Variants in CDK12 observed in about 807,000 individuals in gnomAD.
CDK12 encodes the protein cyclin-dependent kinase 12.
Under a neutral mutation model 133.8 loss-of-function variants are expected in CDK12, and 17 were observed. The ratio of observed to expected loss-of-function variants is 0.13; its 90% CI spans 0.09 to 0.19. CDK12 has a LOEUF of 0.19. Ranked by LOEUF, CDK12 falls within the 10% of genes least tolerant of loss-of-function variation. The pLI, the probability that CDK12 is intolerant of heterozygous loss-of-function variation, is 1.00. For synonymous variants in CDK12, 694 were observed against 683.6 expected (o/e 1.02, Z -0.24); for missense variants, 1,508 against 1,818.7 (o/e 0.83, Z 3.11).
At chr17:39,543,271 A>T (rs2055517623), upstream of CDK12, among the ~76,000 whole-genome samples, 1 of 152,224 alleles carries the variant, frequency 6.6e-6, no homozygotes, top group African/African-American at 2.4e-5. Flanking sequence ...GGAAGGTGGT[A>T]TGTGGTGATC....
upstream of CDK12, chr17:39,548,896 C>A (rs1408062227): frequency 6.6e-6 from 1 of 152,482 alleles, no homozygotes; most frequent in Non-Finnish European, 1.5e-5. Context: ...TCCTTCCTAC[C>A]CCCATGCCTG....
intron 1 of CDK12, among the ~76,000 whole-genome samples, chr17:39,466,736 C>T (rs188598393): frequency 9.2e-4 from 134 of 145,418 alleles, no homozygotes; most frequent in African/African-American, 3.2e-3. Context: ...AATATGGTAG[C>T]GTAGCATGCA....
intron 5 of CDK12, among the ~76,000 whole-genome samples, chr17:39,500,091 T>C (rs555574619): frequency 6.6e-6 from 1 of 152,202 alleles, no homozygotes; most frequent in South Asian, 2.1e-4. Context: ...CATTTTGGGA[T>C]GTTGGGGTGG....
intron 5 of CDK12, among the ~76,000 whole-genome samples, chr17:39,498,721 G>T (rs2052337637): frequency 6.6e-6 from 1 of 151,732 alleles, no homozygotes; most frequent in Admixed American, 6.6e-5. Context: ...TGTGGAGATG[G>T]TGTCTCACTA....
rs747026939 is a variant in CDK12, at chr17:39,490,674, A to G, written c.2049A>G (p.Pro683=). 1 of 1,613,688 alleles carries G rather than the reference A, an allele frequency of 6.2e-7. No homozygotes were observed. The highest frequency in any genetic ancestry group is 1.1e-5 in the South Asian group (1 of 91,064). ...TCCCTGGTGGAGATCTGTCTCCCCC[A>G]GACTCTCCAGAACCAAAGGCAATCA... The part of the protein sequence containing the change: ...PELPGGDLSP[P]DSPEPKAITP... Residue 683 remains proline, a synonymous_variant, in exon 3 of 14, where the codon CCA becomes CCG. Transcript: ENST00000447079.
At position 39,534,541 on chromosome 17, in the gene CDK12, T is replaced by A; in HGVS notation, c.*3225T>A. The stretch of plus-strand genomic sequence containing the variant: ...TGGAAAATTAAATATTTCCTGTTAC[T>A]ATACCACTTTTGCTCCATTGCATTT... On this transcript the variant is annotated 3_prime_UTR_variant, in exon 14 of 14. Coordinates refer to ENST00000447079, the MANE Select transcript of CDK12 (RefSeq NM_016507.4). 4.3e-6 allele frequency: 1 copy of A among 231,752 alleles called. No individual in the cohort carries two copies. The highest frequency in any genetic ancestry group is 8.5e-6 in the Non-Finnish European group (1 of 117,070). 14.4% of individuals were successfully genotyped at this position (231,752 alleles called of 1,614,324 possible). A position where few individuals can be genotyped will look rare whatever the true frequency, so the allele number is the denominator to read the frequency against.
intron 5 of CDK12, among the ~76,000 whole-genome samples, chr17:39,499,802 C>T (rs1400608766): frequency 1.3e-5 from 2 of 152,102 alleles, no homozygotes; most frequent in African/African-American, 2.4e-5. Flanking sequence ...GCATGAGCCA[C>T]CATGCCTGAC....
rs763386543 is a variant in CDK12, at chr17:39,530,681, C to A, written c.3838C>A (p.Pro1280Thr). Residue 1280 changes from proline (P) to threonine (T), a missense_variant, in exon 14 of 14, where the codon CCT (proline) becomes ACT (threonine). Transcript: ENST00000447079. Reference sequence around the variant, plus strand: ...ACCTCCACCGCCGCCACCTCCACCCCCTCTGGTTGAAGGCGATCTTTCCAG... The same window carrying A: ...ACCTCCACCGCCGCCACCTCCACCCACTCTGGTTGAAGGCGATCTTTCCAG... The part of the protein sequence containing the change: ...PGPPPPPPPP[P>T]LVEGDLSSAP... 1.4e-5 allele frequency: 23 copies of A among 1,613,550 alleles called. No homozygotes were observed. The highest frequency in any genetic ancestry group is 2.7e-5 in the African/African-American group (2 of 74,872).
At chr17:39,474,478 C>G (rs2050031840) in intron 2 of CDK12, among the ~76,000 whole-genome samples, 1 of 152,066 alleles carries the variant, frequency 6.6e-6, no homozygotes, top group Non-Finnish European at 1.5e-5. Context: ...GCCACTACAC[C>G]CGGCTAATTT....
chr17:39,559,325 A>C (rs1375491502), intron 3 of CDK12, among the ~76,000 whole-genome samples: 1 of 152,172 alleles, frequency 6.6e-6, no homozygotes, highest in Non-Finnish European at 1.5e-5. Flanking sequence ...TCATATCCAG[A>C]TTTCTCTAGT....
downstream of CDK12, among the ~76,000 whole-genome samples, chr17:39,535,584 T>G (rs1210523277): frequency 6.6e-6 from 1 of 152,170 alleles, no homozygotes; most frequent in Non-Finnish European, 1.5e-5. Context: ...ATTGAAGCAG[T>G]GTCTTTTCAA....
At chr17:39,547,379 G>A (rs889951175), upstream of CDK12, among the ~76,000 whole-genome samples, 6 of 152,054 alleles carry the variant, frequency 3.9e-5, no homozygotes, top group South Asian at 6.2e-4. Flanking sequence ...CAGGTGATCC[G>A]CCTGCCTTGG....
At chr17:39,548,326 TG>T (rs2055810678), upstream of CDK12, among the ~76,000 whole-genome samples, 1 of 152,200 alleles carries the variant, frequency 6.6e-6, no homozygotes, top group Non-Finnish European at 1.5e-5. Flanking sequence ...TGCTTCCAGC[TG>T]AACTTGGGAA....
At position 39,496,473 on chromosome 17, in the gene CDK12, G is replaced by T. The variant is rs1053834236; in HGVS notation, c.2419+1779G>T. On this transcript the variant is annotated intron_variant, in intron 5 of 13. Transcript: ENST00000447079. ...TCAGCACTTTGGGAGGCCGAGTCAG[G>T]TTGATCACCTGAGGTCGGGAGTTTG... Among the ~76,000 whole-genome samples, 7 of 152,106 alleles carry T rather than the reference G, an allele frequency of 4.6e-5. 1 individual carries two copies. Among genetic ancestry groups the T allele is most frequent in the Admixed American group, 3.9e-4 (6 of 15,236 alleles).
exon 4 of CDK12, chr17:39,564,792 C>A (rs562032814): frequency 3.9e-5 from 6 of 152,214 alleles, no homozygotes; most frequent in Non-Finnish European, 8.8e-5. Context: ...GAGGGATTAT[C>A]CGCAGCCTGA....
At position 39,471,717 on chromosome 17, in the gene CDK12, C is replaced by T. The variant is rs146621695; in HGVS notation, c.1885C>T (p.Pro629Ser). The T allele has an allele frequency of 3.9e-5, 63 of 1,614,086 alleles. No individual in the cohort carries two copies. Among genetic ancestry groups the T allele is most frequent in the Non-Finnish European group, 5.2e-5 (61 of 1,180,004 alleles). ...IPHLKTSTLP[P>S]LPLPPLLPGD... ...ACACCTGAAAACTTCAACGTTGCCTCCTTTGCCCCTCCCACCCTTATTACC... is the reference window on the plus strand; with the variant it reads ...ACACCTGAAAACTTCAACGTTGCCTTCTTTGCCCCTCCCACCCTTATTACC... The change falls in exon 2 of 14, where the codon CCT becomes TCT. Residue 629 changes from proline to serine, a missense_variant. Physicochemically the swap from Pro to Ser is moderately conservative, Grantham distance 74. This residue lies in a region of CDK12 where 347 missense variants were observed against 330.8 expected (regional missense o/e 1.05). Transcript: ENST00000447079.
At chr17:39,486,970 T>C (rs1326582342) in intron 2 of CDK12, among the ~76,000 whole-genome samples, 1 of 152,154 alleles carries the variant, frequency 6.6e-6, no homozygotes, top group Non-Finnish European at 1.5e-5. Flanking sequence ...ATTGCACCAC[T>C]GTACTCCAAC....
intron 1 of CDK12, among the ~76,000 whole-genome samples, chr17:39,467,291 T>TA (rs1386611020): frequency 6.6e-6 from 1 of 152,162 alleles, no homozygotes; most frequent in African/African-American, 2.4e-5. Context: ...AACCTAATTT[T>TA]AAAAGACTGA....
At chr17:39,547,088 G>A (rs1306300364), upstream of CDK12, among the ~76,000 whole-genome samples, 4 of 150,250 alleles carry the variant, frequency 2.7e-5, no homozygotes, top group Non-Finnish European at 5.9e-5. Context: ...CCACAGATGT[G>A]CATTCTTCCT....
Sources: gnomAD v4.1 joint callset for allele counts (sites outside exome capture counted in the v4.1 genomes callset) on GRCh38, gnomAD v4.1.1 for gene constraint, gnomAD v4.1.1 regional missense constraint, MANE v1.5 for transcripts, NCBI Gene and HGNC (gene_info 2026-07-23, HGNC 2026-07-21) for gene names.